GALNT9: variants seen among roughly 807,000 people sequenced by gnomAD.
The protein encoded by GALNT9 is polypeptide N-acetylgalactosaminyltransferase 9.
A neutral mutation model predicts 63.1 loss-of-function variants in GALNT9; 47 were observed. That is an observed-to-expected ratio of 0.75 (90% CI 0.59 to 0.95). The LOEUF (loss-of-function observed/expected upper bound fraction) is 0.95, where lower values mean the gene tolerates loss of function less well. GALNT9 is among the 40% of genes least tolerant of loss of function. The pLI, the probability that GALNT9 is intolerant of heterozygous loss-of-function variation, is 0.00. For missense variants in GALNT9, 829 were observed against 874.8 expected, an observed-to-expected ratio of 0.95 and a Z score of 0.66; for synonymous variants, 396 against 365.7, an observed-to-expected ratio of 1.08 and a Z score of -0.94.
chr12:132,198,631 C>G (rs1056841194), intron 9 of GALNT9, among the ~76,000 whole-genome samples: 5 of 152,168 alleles, frequency 3.3e-5, no homozygotes, highest in Non-Finnish European at 7.3e-5. Flanking sequence ...TGATGCACCC[C>G]CAGCCCATCT....
rs142471520 is a variant in GALNT9 at position 132,206,990 on chromosome 12, G to A, written c.1078-3300C>T. On this transcript the variant is annotated intron_variant, in intron 6 of 10. Coordinates refer to ENST00000328957, the MANE Select transcript of GALNT9 (RefSeq NM_001122636.2). Reference sequence around the variant, plus strand: ...TGAGGCGGGAGGATCACCTGAGCCCGGGAGGTTGAGGCTGCAGTGAGCCAA... The same window carrying A: ...TGAGGCGGGAGGATCACCTGAGCCCAGGAGGTTGAGGCTGCAGTGAGCCAA... Among the ~76,000 whole-genome samples the A allele has an allele frequency of 1.3e-3, 200 of 152,324 alleles. No individual in the cohort carries two copies. The East Asian group carries it at 0.021, about 16-fold the overall frequency.
chr12:132,266,660 C>T (rs1053929758), intron 2 of GALNT9, among the ~76,000 whole-genome samples: 12 of 152,260 alleles, frequency 7.9e-5, no homozygotes, highest in Non-Finnish European at 1.6e-4. Context: ...GGGGTCTGCC[C>T]TCCAGAACGG....
At chr12:132,237,605 C>A (rs1555236432) in intron 6 of GALNT9, among the ~76,000 whole-genome samples, 1 of 148,340 alleles carries the variant, frequency 6.7e-6, no homozygotes, top group African/African-American at 2.6e-5. Context: ...CTGCTCACAC[C>A]ACACACCTGC....
rs782307645 is a variant in GALNT9 at position 132,282,422 on chromosome 12, CGTGTGTGCGTGCATGCGT to C, written c.419+3810_419+3827del. Among the ~76,000 whole-genome samples the C allele has an allele frequency of 1.3e-5, 2 of 151,174 alleles. No individual in the cohort carries two copies. Among genetic ancestry groups the C allele is most frequent in the Non-Finnish European group, 1.5e-5 (1 of 67,728 alleles). ...GTGTGCGCGTGTGTGCGTGTGTGTG[CGTGTGTGCGTGCATGCGT>C]GTGTGTGCGTGTGCATGTGTGTGTG... On this transcript the variant is annotated intron_variant, in intron 2 of 10. Coordinates refer to ENST00000328957, the MANE Select transcript of GALNT9 (RefSeq NM_001122636.2). This position sits in a 1 kb window ranked among gnomAD's most constrained non-coding sequence, Gnocchi z 4.5.
chr12:132,324,731 C>T (rs782164417), intron 1 of GALNT9, among the ~76,000 whole-genome samples: 2 of 152,098 alleles, frequency 1.3e-5, no homozygotes, highest in African/African-American at 2.4e-5. Context: ...TCTCCCCCCA[C>T]CGCCCCTTTC....
intron 2 of GALNT9, chr12:132,283,749 A>AC (rs56355321): frequency 0.32 from 43,207 of 134,242 alleles, 5,971 homozygotes; most frequent in Middle Eastern, 0.39. Flanking sequence ...AGTCCATGGG[A>AC]CCCCCCCCCA....
rs542467382 is a variant in GALNT9 at position 132,277,935 on chromosome 12, C to T, written c.419+8315G>A. ...AGAAACTCCTCGTGTTGTTTATAAGCCACCCGGTCAGTGGCCCTCTGACCA... is the reference window on the plus strand; with the variant it reads ...AGAAACTCCTCGTGTTGTTTATAAGTCACCCGGTCAGTGGCCCTCTGACCA... On this transcript the variant is annotated intron_variant, in intron 2 of 10. Coordinates refer to ENST00000328957, the MANE Select transcript of GALNT9 (RefSeq NM_001122636.2). 3.9e-3 allele frequency: 597 copies of T among 152,248 alleles called. 1 individual carries two copies. Among genetic ancestry groups the T allele is most frequent in the Middle Eastern group, 6.8e-3 (2 of 294 alleles). The allele number at this position is 152,248 out of a possible 1,614,324, so 9.4% of individuals were successfully genotyped here.
intron 6 of GALNT9, among the ~76,000 whole-genome samples, chr12:132,225,098 A>G (rs1877600206): frequency 7.6e-6 from 1 of 132,294 alleles, no homozygotes; most frequent in African/African-American, 2.9e-5. Flanking sequence ...CACACACTGT[A>G]CATACACACC....
At chr12:132,263,369 C>T (rs1404679439) in intron 2 of GALNT9, among the ~76,000 whole-genome samples, 2 of 152,198 alleles carry the variant, frequency 1.3e-5, no homozygotes, top group African/African-American at 2.4e-5. Context: ...GCACAGTTTT[C>T]ATGAACTTGC....
chr12:132,257,946 TC>T, intron 4 of GALNT9, 60 bp from the exon 5 acceptor site: 1 of 1,202,700 alleles, frequency 8.3e-7, no homozygotes, highest in Non-Finnish European at 1.2e-6. Context: ...CTGAGGAGGG[TC>T]CACTCGCCCA....
At chr12:132,240,527 C>A in intron 6 of GALNT9, 1 of 439,252 alleles carries the variant, frequency 2.3e-6, no homozygotes, top group Non-Finnish European at 4.5e-6. Flanking sequence ...GGCAGTGCTG[C>A]TGTGGGCCTG....
intron 8 of GALNT9, 65 bp downstream of exon 8, chr12:132,201,059 T>C (rs545764538): frequency 2.1e-6 from 3 of 1,460,762 alleles, no homozygotes; most frequent in Admixed American, 1.8e-5. Flanking sequence ...CCTGAATGCA[T>C]ACGTGTGCAG....
chr12:132,322,140 G>C (rs1297203948), intron 1 of GALNT9, among the ~76,000 whole-genome samples: 1 of 152,202 alleles, frequency 6.6e-6, no homozygotes, highest in Admixed American at 6.5e-5. Flanking sequence ...CACATTCCGA[G>C]GTTCCAGGTG....
Position 132,291,443 on chromosome 12 carries a change from C to T in GALNT9, c.239-5013G>A, listed in dbSNP as rs554334651. On this transcript the variant is annotated intron_variant, in intron 1 of 10. Transcript: ENST00000328957. Reference sequence around the variant, plus strand: ...ACAGCACCCACAACCACAGCGCCCACGTCCACATCACCCACATCCACAGCA... The same window carrying T: ...ACAGCACCCACAACCACAGCGCCCATGTCCACATCACCCACATCCACAGCA... 1.0e-3 allele frequency among the ~76,000 whole-genome samples: 146 copies of T among 141,520 alleles called. 1 individual carries two copies. Among genetic ancestry groups the T allele is most frequent in the Non-Finnish European group, 1.9e-3 (123 of 65,428 alleles). The allele number at this position is 141,520 out of a possible 152,430, so 92.8% of individuals were successfully genotyped here. A position where few individuals can be genotyped will look rare whatever the true frequency, so the allele number is the denominator to read the frequency against.
intron 6 of GALNT9, among the ~76,000 whole-genome samples, chr12:132,223,238 C>T (rs1351154804): frequency 1.8e-5 from 2 of 109,238 alleles, no homozygotes; most frequent in Non-Finnish European, 3.9e-5. Context: ...CCCCACACAA[C>T]CCACACCCCA....
At position 132,197,076 on chromosome 12, in the gene GALNT9, G is replaced by A. The variant is rs377203593; in HGVS notation, c.*31C>T. The A allele has an allele frequency of 4.4e-5, 71 of 1,611,514 alleles. No individual in the cohort carries two copies. The highest frequency in any genetic ancestry group is 5.8e-5 in the Non-Finnish European group (68 of 1,178,482). On this transcript the variant is annotated 3_prime_UTR_variant, in exon 11 of 11. Coordinates refer to ENST00000328957, the MANE Select transcript of GALNT9 (RefSeq NM_001122636.2). ...CACTGGCTCGGCCCAGCGCCTTCCC[G>A]AGGTCTGTGGGGGTCCGGGCGGAGG...
chr12:132,304,755 GCCCGGGCACACCCTCA>G (rs1360005512), intron 1 of GALNT9, among the ~76,000 whole-genome samples: 1 of 14,790 alleles, frequency 6.8e-5, no homozygotes, highest in Non-Finnish European at 1.2e-4. Flanking sequence ...ACACAGCCTC[GCCCGGGCACACCCTCA>G]CCCGGGCACA....
chr12:132,199,295 G>C (rs1166608884), intron 8 of GALNT9, 26 bp from the exon 9 acceptor site: 6 of 1,541,956 alleles, frequency 3.9e-6, no homozygotes, highest in Non-Finnish European at 5.3e-6. Context: ...CCAGGAGAAA[G>C]TCCAGAGTCA....
At chr12:132,208,286 C>T (rs543533416) in intron 6 of GALNT9, among the ~76,000 whole-genome samples, 1 of 152,340 alleles carries the variant, frequency 6.6e-6, no homozygotes, top group Admixed American at 6.5e-5. Flanking sequence ...AGGCAGGAGG[C>T]CCGGGCCCCT....
Sources: allele counts gnomAD v4.1 joint callset (sites outside exome capture counted in the v4.1 genomes callset), GRCh38; gene constraint gnomAD v4.1.1; non-coding constraint Gnocchi (gnomAD v3.1); transcripts MANE v1.5; gene names NCBI Gene and HGNC (gene_info 2026-07-23, HGNC 2026-07-21).